The following LRRTM3 variants were observed in gnomAD, a reference collection of about 807,000 sequenced individuals.
LRRTM3 encodes leucine rich repeat transmembrane neuronal 3.
In LRRTM3, 24 loss-of-function variants were observed where a neutral mutation model predicts 44.7. The ratio of observed to expected loss-of-function variants is 0.54; its 90% confidence interval spans 0.39 to 0.76. The LOEUF is 0.76. LRRTM3 is among the 30% of genes least tolerant of loss of function. The pLI is 0.00. For synonymous variants in LRRTM3, 277 were observed against 278.7 expected, an observed-to-expected ratio of 0.99 and a Z score of 0.06; for missense variants, 587 against 702.2, an observed-to-expected ratio of 0.84 and a Z score of 1.85.
Position 67,014,841 on chromosome 10 carries a change from GA to G in LRRTM3, c.1537-82741del, listed in dbSNP as rs1235348075. Reference sequence around the variant, plus strand: ...ACATAGCTAAATGTTTACCAAGGTAGAAAAATGGTCAGAGAGATGTATACAT... The same window carrying G: ...ACATAGCTAAATGTTTACCAAGGTAGAAAATGGTCAGAGAGATGTATACAT... On this transcript the variant is annotated intron_variant, in intron 2 of 2. Coordinates refer to ENST00000361320, the MANE Select transcript of LRRTM3 (RefSeq NM_178011.5). 2.0e-5 allele frequency among the ~76,000 whole-genome samples: 3 copies of G among 152,020 alleles called. No individual in the cohort carries two copies. In the East Asian group the frequency reaches 5.8e-4, roughly 29 times the overall value.
At position 66,926,392 on chromosome 10, in the gene LRRTM3, G is replaced by T; in HGVS notation, c.-192G>T. 1 of 655,412 alleles carries T rather than the reference G, an allele frequency of 1.5e-6. No homozygotes were observed. Among genetic ancestry groups the T allele is most frequent in the Non-Finnish European group, 2.8e-6 (1 of 361,904 alleles). 40.6% of individuals were successfully genotyped at this position (655,412 alleles called of 1,614,324 possible). A position where few individuals can be genotyped will look rare whatever the true frequency, so the allele number is the denominator to read the frequency against. On this transcript the variant is annotated 5_prime_UTR_variant, in exon 1 of 3. Transcript: ENST00000361320. ...GCGAATGCGGTGTTGGGATTTATTTGTTCTTGGAGTGTTCTGCGTGGCTGG... is the reference window on the plus strand; with the variant it reads ...GCGAATGCGGTGTTGGGATTTATTTTTTCTTGGAGTGTTCTGCGTGGCTGG...
At chr10:67,057,358 T>A (rs191121883) in intron 2 of LRRTM3, among the ~76,000 whole-genome samples, 81 of 152,250 alleles carry the variant, frequency 5.3e-4, no homozygotes, top group Middle Eastern at 6.8e-3. Context: ...CACCATGCTG[T>A]GCATGGTCTT....
At chr10:66,929,777 G>A (rs1230419101) in intron 2 of LRRTM3, among the ~76,000 whole-genome samples, 1 of 152,166 alleles carries the variant, frequency 6.6e-6, no homozygotes, top group African/African-American at 2.4e-5. Context: ...TATGTCATTG[G>A]TGAAAGTTTA....
At chr10:67,057,928 A>C (rs1214715009) in intron 2 of LRRTM3, among the ~76,000 whole-genome samples, 1 of 152,242 alleles carries the variant, frequency 6.6e-6, no homozygotes, top group East Asian at 1.9e-4. Flanking sequence ...AATGCTCTCA[A>C]GGATATCACT....
At chr10:66,986,943 G>A (rs12250966) in intron 2 of LRRTM3, among the ~76,000 whole-genome samples, 1 of 152,048 alleles carries the variant, frequency 6.6e-6, no homozygotes, top group Non-Finnish European at 1.5e-5. Context: ...TTTGAATAAG[G>A]AGTCAAGGTC....
At chr10:67,038,482 G>A (rs982987218) in intron 2 of LRRTM3, among the ~76,000 whole-genome samples, 1 of 151,946 alleles carries the variant, frequency 6.6e-6, no homozygotes, top group African/African-American at 2.4e-5. Flanking sequence ...TGTGAGCTCA[G>A]GAAAAGGACA....
At chr10:66,959,067 G>T (rs1848984521) in intron 2 of LRRTM3, among the ~76,000 whole-genome samples, 1 of 152,044 alleles carries the variant, frequency 6.6e-6, no homozygotes, top group Non-Finnish European at 1.5e-5. Flanking sequence ...CCAAGCGCTG[G>T]TATCCACAGG....
chr10:67,011,945 T>G (rs569397131), intron 2 of LRRTM3, among the ~76,000 whole-genome samples: 32 of 152,120 alleles, frequency 2.1e-4, no homozygotes, highest in Admixed American at 1.2e-3. Context: ...GCCCCAGGAG[T>G]ACCCATCCAT....
chr10:67,003,938 A>T (rs1206227768), intron 2 of LRRTM3, among the ~76,000 whole-genome samples: 2 of 152,186 alleles, frequency 1.3e-5, no homozygotes, highest in African/African-American at 4.8e-5. Context: ...TTATTGCATG[A>T]GTAAGTTCTA....
intron 2 of LRRTM3, among the ~76,000 whole-genome samples, chr10:67,019,989 C>A (rs1028119206): frequency 7.7e-6 from 1 of 130,038 alleles, no homozygotes; most frequent in Non-Finnish European, 1.6e-5. Flanking sequence ...ATGCATTTAA[C>A]AACATAATTG....
At chr10:66,999,273 T>A (rs1386727036) in intron 2 of LRRTM3, among the ~76,000 whole-genome samples, 1 of 152,220 alleles carries the variant, frequency 6.6e-6, no homozygotes, top group South Asian at 2.1e-4. Flanking sequence ...TGAATAAAAA[T>A]GTAAATCAAT....
At chr10:66,992,835 T>C (rs1851114489) in intron 2 of LRRTM3, among the ~76,000 whole-genome samples, 1 of 152,178 alleles carries the variant, frequency 6.6e-6, no homozygotes, top group Non-Finnish European at 1.5e-5. Context: ...AATGCCTTTT[T>C]AGTGATACAA....
At chr10:67,029,138 T>A (rs1270576958) in intron 2 of LRRTM3, among the ~76,000 whole-genome samples, 2 of 152,236 alleles carry the variant, frequency 1.3e-5, no homozygotes, top group African/African-American at 4.8e-5. Flanking sequence ...TTCAGCATAA[T>A]CACCTCTTTT....
intron 2 of LRRTM3, among the ~76,000 whole-genome samples, chr10:66,950,739 A>G (rs1365693449): frequency 6.6e-6 from 1 of 152,210 alleles, no homozygotes; most frequent in Admixed American, 6.5e-5. Flanking sequence ...CAAAACATTT[A>G]TTCAGCTGCA....
chr10:66,996,649 C>CAAAAAAAAAAAAAAAAAAAAAAAAAAAAA, intron 2 of LRRTM3, among the ~76,000 whole-genome samples: 1 of 67,644 alleles, frequency 1.5e-5, no homozygotes, highest in Non-Finnish European at 2.5e-5. Context: ...TCCGTCTCTA[C>CAAAAAAAAAAAAAAAAAAAAAAAAAAAAA]AAAAAAAAAA....
chr10:67,032,254 T>C (rs745890572), intron 2 of LRRTM3, among the ~76,000 whole-genome samples: 3 of 152,180 alleles, frequency 2.0e-5, no homozygotes, highest in Non-Finnish European at 1.5e-5. Flanking sequence ...TTTTTTATAT[T>C]GTGCTTCATT....
At chr10:67,074,913 C>T (rs1208047495) in intron 2 of LRRTM3, among the ~76,000 whole-genome samples, 1 of 152,092 alleles carries the variant, frequency 6.6e-6, no homozygotes, top group Non-Finnish European at 1.5e-5. Context: ...CTATATTTAA[C>T]ACACAGACAT....
intron 2 of LRRTM3, among the ~76,000 whole-genome samples, chr10:66,974,856 G>A (rs1169499436): frequency 6.6e-6 from 1 of 151,152 alleles, no homozygotes; most frequent in African/African-American, 2.4e-5. Flanking sequence ...ATTTAGTTGA[G>A]TTGTTTTTTC....
intron 2 of LRRTM3, among the ~76,000 whole-genome samples, chr10:66,956,034 C>T (rs1351554151): frequency 6.6e-6 from 1 of 152,064 alleles, no homozygotes; most frequent in Admixed American, 6.6e-5. Context: ...CAGAAGCTGA[C>T]AAAAATATTA....
Sources: gnomAD v4.1 joint callset for allele counts (sites outside exome capture counted in the v4.1 genomes callset) on GRCh38, gnomAD v4.1.1 for gene constraint, MANE v1.5 for transcripts, NCBI Gene and HGNC (gene_info 2026-07-23, HGNC 2026-07-21) for gene names.